Variants in DOCK4 observed in about 807,000 individuals in gnomAD.
DOCK4 encodes dedicator of cytokinesis protein 4.
DOCK4 carries 97 observed loss-of-function variants against 268.1 expected under a neutral mutation model. The ratio of observed to expected loss-of-function variants is 0.36; its 90% CI spans 0.31 to 0.43. The LOEUF (loss-of-function observed/expected upper bound fraction) is 0.43, where lower values mean the gene tolerates loss of function less well. Ranked by LOEUF, DOCK4 falls within the 20% of genes least tolerant of loss-of-function variation. The probability of loss-of-function intolerance (pLI) is 1.00; values close to 1 mark genes in which losing one functional copy is unlikely to be tolerated. For synonymous variants in DOCK4, 954 were observed against 887.2 expected (o/e 1.08, Z -1.34); for missense variants, 2,145 against 2,455.7 (o/e 0.87, Z 2.67).
At chr7:112,015,056 T>C (rs888385505) in intron 1 of DOCK4, among the ~76,000 whole-genome samples, 6 of 152,288 alleles carry the variant, frequency 3.9e-5, no homozygotes, top group Non-Finnish European at 8.8e-5. Flanking sequence ...GCATTCTTAG[T>C]CATAGGATGA....
chr7:111,753,309 T>C (rs1051743504), intron 42 of DOCK4, among the ~76,000 whole-genome samples: 1 of 152,078 alleles, frequency 6.6e-6, no homozygotes, highest in Admixed American at 6.5e-5. Context: ...ACCTCATCTC[T>C]ACAACAAATC....
intron 12 of DOCK4, among the ~76,000 whole-genome samples, chr7:111,916,903 C>T (rs992189284): frequency 1.3e-5 from 2 of 151,406 alleles, no homozygotes; most frequent in East Asian, 3.9e-4. Context: ...TTTTGGTGCA[C>T]CCATCACCTG....
At chr7:111,962,423 T>C (rs1040138613) in intron 8 of DOCK4, among the ~76,000 whole-genome samples, 6 of 152,202 alleles carry the variant, frequency 3.9e-5, no homozygotes, top group Admixed American at 1.3e-4. Context: ...TCTCTACTTA[T>C]CAGACAAGTT....
At position 111,939,139 on chromosome 7, in the gene DOCK4, T is replaced by C. The variant is rs936184302; in HGVS notation, c.977+971A>G. On this transcript the variant is annotated intron_variant, in intron 11 of 52. Transcript: ENST00000428084. ...GGCCAGGAGAGAGGCACGGAGCAGA[T>C]TGCCCTCACAGCCCTCAGAAGGAGC... Among the ~76,000 whole-genome samples, 20 of 152,028 alleles carry C rather than the reference T, an allele frequency of 1.3e-4. 1 individual carries two copies. The highest frequency in any genetic ancestry group is 3.9e-4 in the Admixed American group (6 of 15,246).
chr7:111,780,878 C>T (rs1374124258), intron 35 of DOCK4, among the ~76,000 whole-genome samples: 1 of 152,046 alleles, frequency 6.6e-6, no homozygotes, highest in Non-Finnish European at 1.5e-5. Context: ...TATTCTTGTG[C>T]TAGTTTGAAA....
chr7:111,832,945 A>T (rs1040236714), intron 26 of DOCK4, among the ~76,000 whole-genome samples: 3 of 152,254 alleles, frequency 2.0e-5, no homozygotes, highest in African/African-American at 7.2e-5. Context: ...TACTGCTAAC[A>T]TGAATACCAA....
At position 112,002,075 on chromosome 7, in the gene DOCK4, T is replaced by G. The variant is rs1414026885; in HGVS notation, c.122-1541A>C. On this transcript the variant is annotated intron_variant, in intron 2 of 52. Transcript: ENST00000428084. ...TTCAATGATTAAATTTTAGGCAAAA[T>G]TTTAATACAAAACAAATATTTGAGC... Among the ~76,000 whole-genome samples the G allele has an allele frequency of 5.3e-5, 8 of 152,216 alleles. No homozygotes were observed. The East Asian group carries it at 1.5e-3, about 29-fold the overall frequency.
chr7:111,856,347 G>C (rs1805012188), intron 23 of DOCK4, among the ~76,000 whole-genome samples: 1 of 152,202 alleles, frequency 6.6e-6, no homozygotes, highest in Admixed American at 6.5e-5. Flanking sequence ...GGGCAACTAT[G>C]ATTTCAGTGA....
At chr7:112,024,564 T>C (rs566268486) in intron 1 of DOCK4, among the ~76,000 whole-genome samples, 1 of 152,280 alleles carries the variant, frequency 6.6e-6, no homozygotes, top group Admixed American at 6.5e-5. Context: ...ACTTGTAAAG[T>C]ATATATCTGG....
intron 23 of DOCK4, chr7:111,863,103 T>C (rs781413647): frequency 9.0e-5 from 36 of 400,294 alleles, no homozygotes; most frequent in Middle Eastern, 7.3e-4. Flanking sequence ...TCCTATCAGG[T>C]ACCTGTAAGC....
At chr7:111,904,646 C>G (rs1189763575) in intron 13 of DOCK4, among the ~76,000 whole-genome samples, 3 of 152,114 alleles carry the variant, frequency 2.0e-5, no homozygotes, top group African/African-American at 7.2e-5. Flanking sequence ...AATTCAAATA[C>G]ACTAAAGGCA....
chr7:111,796,040 T>C (rs946515630), intron 30 of DOCK4, among the ~76,000 whole-genome samples: 2 of 152,174 alleles, frequency 1.3e-5, no homozygotes, highest in Non-Finnish European at 2.9e-5. Flanking sequence ...ACCAAGGTCC[T>C]CATGATCTCT....
intron 1 of DOCK4, among the ~76,000 whole-genome samples, chr7:112,104,619 A>G (rs904333872): frequency 2.6e-5 from 4 of 152,240 alleles, no homozygotes; most frequent in Admixed American, 6.5e-5. Context: ...ATTGGAGAGC[A>G]TAATTTGAAT....
intron 21 of DOCK4, among the ~76,000 whole-genome samples, chr7:111,868,462 G>A (rs1806154899): frequency 1.3e-5 from 2 of 152,180 alleles, no homozygotes; most frequent in African/African-American, 2.4e-5. Context: ...TGTAATCCCA[G>A]CACTTTGGGA....
At chr7:111,880,040 C>T (rs1472327021) in intron 16 of DOCK4, among the ~76,000 whole-genome samples, 1 of 152,014 alleles carries the variant, frequency 6.6e-6, no homozygotes, top group Non-Finnish European at 1.5e-5. Context: ...CAGAGAAATT[C>T]CCAAACCTAG....
At chr7:111,936,127 G>C (rs1239337686) in intron 11 of DOCK4, among the ~76,000 whole-genome samples, 1 of 152,176 alleles carries the variant, frequency 6.6e-6, no homozygotes, top group Non-Finnish European at 1.5e-5. Flanking sequence ...TCATTAGCAA[G>C]TCTCTGCCTA....
chr7:112,040,120 C>T (rs780671013), intron 1 of DOCK4, among the ~76,000 whole-genome samples: 2 of 152,094 alleles, frequency 1.3e-5, no homozygotes, highest in Non-Finnish European at 2.9e-5. Context: ...TTAGAGAAAG[C>T]TTAATGAAAC....
intron 25 of DOCK4, among the ~76,000 whole-genome samples, chr7:111,835,131 G>A (rs1037372057): frequency 7.2e-5 from 11 of 152,118 alleles, no homozygotes; most frequent in African/African-American, 2.7e-4. Flanking sequence ...TGTGCTAAAT[G>A]ACTTGCCCCA....
At chr7:112,116,224 T>A (rs999261464) in intron 1 of DOCK4, among the ~76,000 whole-genome samples, 4 of 152,168 alleles carry the variant, frequency 2.6e-5, no homozygotes, top group Non-Finnish European at 5.9e-5. Flanking sequence ...TCTACAGATT[T>A]ACCTATTCTG....
Sources: allele counts gnomAD v4.1 joint callset (sites outside exome capture counted in the v4.1 genomes callset), GRCh38; gene constraint gnomAD v4.1.1; transcripts MANE v1.5; gene names NCBI Gene and HGNC (gene_info 2026-07-23, HGNC 2026-07-21).